Variants in SEMA3D observed in about 807,000 individuals in gnomAD.
SEMA3D encodes semaphorin 3D, also known as semaphorin-3D.
Under a neutral mutation model 100.1 loss-of-function variants are expected in SEMA3D, and 84 were observed. That is an observed-to-expected ratio of 0.84 (90% CI 0.70 to 1.01). SEMA3D has a LOEUF of 1.01. SEMA3D is among the 50% of genes least tolerant of loss of function. SEMA3D has a pLI of 0.00. For synonymous variants in SEMA3D, 312 were observed against 320.7 expected (o/e 0.97, Z 0.29); for missense variants, 875 against 934.1 (o/e 0.94, Z 0.82).
chr7:85,050,317 T>C (rs1356297301), intron 9 of SEMA3D: 2 of 154,196 alleles, frequency 1.3e-5, no homozygotes, highest in East Asian at 3.8e-4. Flanking sequence ...GGGGTGTAAG[T>C]TGCACCATTT....
the SEMA3D span, among the ~76,000 whole-genome samples, chr7:85,237,885 C>G: frequency 1.3e-5 from 2 of 152,142 alleles, no homozygotes; most frequent in Admixed American, 6.5e-5. Flanking sequence ...ATTCTCATCC[C>G]CAATGAATGA....
intron 3 of SEMA3D, among the ~76,000 whole-genome samples, chr7:85,112,391 A>G (rs1438558136): frequency 6.6e-6 from 1 of 152,212 alleles, no homozygotes; most frequent in Non-Finnish European, 1.5e-5. Flanking sequence ...GTCAATGAAT[A>G]TACGTTTAAG....
chr7:85,053,571 G>T (rs1791227283), intron 9 of SEMA3D, among the ~76,000 whole-genome samples: 1 of 151,862 alleles, frequency 6.6e-6, no homozygotes, highest in Non-Finnish European at 1.5e-5. Flanking sequence ...CATTTTTCAT[G>T]TTGTCAGTGA....
At chr7:85,224,076 G>A in the SEMA3D span, among the ~76,000 whole-genome samples, 1 of 151,986 alleles carries the variant, frequency 6.6e-6, no homozygotes, top group Admixed American at 6.6e-5. Context: ...AATTATTTAA[G>A]GGTCAACAGT....
intron 7 of SEMA3D, 83 bp from the exon 8 acceptor site, chr7:85,065,635 C>T: frequency 2.0e-6 from 2 of 996,932 alleles, no homozygotes; most frequent in Non-Finnish European, 3.0e-6. Context: ...CACAGCATGA[C>T]ACCAAAGATG....
At chr7:85,064,066 C>A (rs1034281873) in intron 8 of SEMA3D, among the ~76,000 whole-genome samples, 1 of 152,152 alleles carries the variant, frequency 6.6e-6, no homozygotes, top group Admixed American at 6.5e-5. Flanking sequence ...TAATTGAATG[C>A]ATATTTCCTA....
chr7:85,071,473 A>G (rs1042599726), intron 6 of SEMA3D, among the ~76,000 whole-genome samples: 2 of 152,206 alleles, frequency 1.3e-5, no homozygotes, highest in Non-Finnish European at 2.9e-5. Flanking sequence ...TACTTTCAAA[A>G]ACACAGCGAA....
chr7:85,142,202 T>C (rs1408467592), intron 2 of SEMA3D: 7 of 983,774 alleles, frequency 7.1e-6, no homozygotes, highest in East Asian at 1.1e-4. Context: ...AATTACTCAA[T>C]TGCTTATTTA....
chr7:85,155,173 G>A (rs1790551981), intron 1 of SEMA3D, among the ~76,000 whole-genome samples: 2 of 151,446 alleles, frequency 1.3e-5, no homozygotes, highest in African/African-American at 4.9e-5. Context: ...ATCACACTAT[G>A]CATTCCTGCC....
intron 1 of SEMA3D, chr7:85,167,191 T>C (rs1790929354): frequency 3.8e-6 from 3 of 782,150 alleles, no homozygotes; most frequent in African/African-American, 1.9e-5. Context: ...ATCAACTACA[T>C]TGAAATGTCA....
chr7:85,062,761 A>G (rs1791512188), intron 8 of SEMA3D, among the ~76,000 whole-genome samples: 1 of 152,206 alleles, frequency 6.6e-6, no homozygotes, highest in Non-Finnish European at 1.5e-5. Context: ...ATCTAGAATA[A>G]AAATGGAAGT....
intron 11 of SEMA3D, 30 bp downstream of exon 11, chr7:85,040,643 G>A: frequency 2.7e-6 from 3 of 1,098,796 alleles, no homozygotes; most frequent in Non-Finnish European, 4.2e-6. Flanking sequence ...ACAATTCTCT[G>A]AAGCATTAAA....
chr7:85,246,920 A>G, the SEMA3D span, among the ~76,000 whole-genome samples: 1 of 151,944 alleles, frequency 6.6e-6, no homozygotes, highest in African/African-American at 2.4e-5. Flanking sequence ...GAAAAAAACT[A>G]CAACTACCTG....
chr7:85,053,921 T>TTGTGTGTGTGTATG (rs560409899), intron 9 of SEMA3D, among the ~76,000 whole-genome samples: 70 of 151,786 alleles, frequency 4.6e-4, no homozygotes, highest in African/African-American at 1.4e-3. Context: ...CTCAGAGGTT[T>TTGTGTGTGTGTATG]TGTGTGTGTG....
At chr7:85,225,093 T>A in the SEMA3D span, among the ~76,000 whole-genome samples, 65 of 15,414 alleles carry the variant, frequency 4.2e-3, no homozygotes, top group African/African-American at 0.021. Flanking sequence ...TATATATATA[T>A]ATATATATAT....
the SEMA3D span, among the ~76,000 whole-genome samples, chr7:85,212,943 C>T: frequency 6.6e-6 from 1 of 151,636 alleles, no homozygotes; most frequent in Non-Finnish European, 1.5e-5. Context: ...AAAATATTGC[C>T]CAGAAGAAAG....
intron 2 of SEMA3D, chr7:85,144,297 G>C (rs1336003171): frequency 9.8e-6 from 2 of 204,602 alleles, no homozygotes; most frequent in African/African-American, 4.7e-5. Context: ...ATTTACTCAA[G>C]TTGTTTCAAA....
chr7:85,120,551 C>T (rs1457543717), intron 3 of SEMA3D, among the ~76,000 whole-genome samples: 3 of 151,342 alleles, frequency 2.0e-5, no homozygotes, highest in African/African-American at 4.9e-5. Context: ...ACCTGTAATC[C>T]CAGCTACTCA....
chr7:85,010,445 G>A (rs546491038), intron 17 of SEMA3D, among the ~76,000 whole-genome samples: 1 of 151,886 alleles, frequency 6.6e-6, no homozygotes, highest in South Asian at 2.1e-4. Flanking sequence ...GTTCAAGTGT[G>A]GAGGCAGAGA....
Sources: allele counts gnomAD v4.1 joint callset (sites outside exome capture counted in the v4.1 genomes callset), GRCh38; gene constraint gnomAD v4.1.1; transcripts MANE v1.5; gene names NCBI Gene and HGNC (gene_info 2026-07-23, HGNC 2026-07-21).